MTFR1: variants seen among roughly 807,000 people sequenced by gnomAD.
The protein encoded by MTFR1 is mitochondrial fission regulator 1, also known as chondrocyte protein with a poly-proline region.
A neutral mutation model predicts 38.8 loss-of-function variants in MTFR1; 28 were observed. That is an observed-to-expected ratio of 0.72 (90% confidence interval 0.53 to 0.99). The LOEUF (loss-of-function observed/expected upper bound fraction) is 0.99. Among genes scored for constraint, MTFR1 ranks in the 50% least tolerant of loss-of-function variants. The pLI, the probability that MTFR1 is intolerant of heterozygous loss-of-function variation, is 0.00. For missense variants in MTFR1, 358 were observed against 395.5 expected (o/e 0.91, Z 0.81); for synonymous variants, 145 against 137.0 (o/e 1.06, Z -0.41).
chr8:65,662,523 G>A (rs1213223439), intron 1 of MTFR1, among the ~76,000 whole-genome samples: 6 of 147,600 alleles, frequency 4.1e-5, no homozygotes, highest in Non-Finnish European at 7.6e-5. Flanking sequence ...CCGCCACCCC[G>A]TCTGGGAAGT....
intron 1 of MTFR1, among the ~76,000 whole-genome samples, chr8:65,659,696 G>T (rs949813953): frequency 2.0e-5 from 3 of 152,124 alleles, no homozygotes; most frequent in African/African-American, 7.2e-5. Context: ...CTAGGGGCAA[G>T]GAGACATGTA....
intron 3 of MTFR1, chr8:65,727,121 T>G (rs765651825): frequency 8.2e-7 from 1 of 1,216,894 alleles, no homozygotes; most frequent in Non-Finnish European, 1.2e-6. Context: ...ATATGAAAGA[T>G]TTTCTAGAAT....
At chr8:65,763,302 C>T (rs756543011) in intron 3 of MTFR1, among the ~76,000 whole-genome samples, 18 of 152,158 alleles carry the variant, frequency 1.2e-4, no homozygotes, top group Middle Eastern at 3.4e-3. Flanking sequence ...CGGTGGCTCA[C>T]GCCTGTTAAT....
intron 1 of MTFR1, among the ~76,000 whole-genome samples, chr8:65,661,482 C>G (rs1277644590): frequency 6.6e-6 from 1 of 151,714 alleles, no homozygotes. Context: ...ACTAAAAATA[C>G]AAAAATTAGC....
At chr8:65,653,167 A>C (rs1585740960) in intron 1 of MTFR1, among the ~76,000 whole-genome samples, 1 of 152,226 alleles carries the variant, frequency 6.6e-6, no homozygotes, top group East Asian at 1.9e-4. Context: ...TGATTGCATC[A>C]GTATTATTGC....
chr8:65,742,212 C>G (rs892175874), intron 3 of MTFR1, among the ~76,000 whole-genome samples: 1 of 152,192 alleles, frequency 6.6e-6, no homozygotes, highest in African/African-American at 2.4e-5. Context: ...AAAGATAGAA[C>G]TGCCTATGAA....
chr8:65,652,349 C>T (rs1370179462), intron 1 of MTFR1, among the ~76,000 whole-genome samples: 2 of 152,136 alleles, frequency 1.3e-5, no homozygotes, highest in Admixed American at 1.3e-4. Flanking sequence ...CCTCTGCCTC[C>T]ACCTCCCAAA....
intron 3 of MTFR1, among the ~76,000 whole-genome samples, chr8:65,736,797 T>G (rs1273276351): frequency 1.3e-5 from 2 of 151,284 alleles, no homozygotes; most frequent in African/African-American, 4.8e-5. Context: ...TCTGTTTTTT[T>G]TTTTTTTTTT....
intron 1 of MTFR1, among the ~76,000 whole-genome samples, chr8:65,652,495 A>G (rs1385567770): frequency 6.6e-6 from 1 of 152,136 alleles, no homozygotes; most frequent in Non-Finnish European, 1.5e-5. Context: ...TGGCCTCCCA[A>G]GGTGCTGGGA....
At chr8:65,762,782 A>G (rs971859923) in intron 3 of MTFR1, among the ~76,000 whole-genome samples, 1 of 152,178 alleles carries the variant, frequency 6.6e-6, no homozygotes, top group African/African-American at 2.4e-5. Flanking sequence ...CTAATGTGCT[A>G]GAGAAATAAT....
intron 1 of MTFR1, among the ~76,000 whole-genome samples, chr8:65,646,097 G>C (rs1808959201): frequency 1.3e-5 from 2 of 152,170 alleles, no homozygotes; most frequent in African/African-American, 2.4e-5. Context: ...TAGTGCTCTT[G>C]CTTTTGAATA....
In MTFR1 at chr8:65,707,060, C is replaced by CAA; in HGVS notation, c.568_569insAA (p.Pro190GlnfsTer22). 1 of 880,908 alleles carries CAA rather than the reference C, an allele frequency of 1.1e-6. No individual in the cohort carries two copies. Among genetic ancestry groups the CAA allele is most frequent in the Non-Finnish European group, 1.8e-6 (1 of 542,138 alleles). 54.6% of individuals were successfully genotyped at this position (880,908 alleles called of 1,614,324 possible). On this transcript the variant is annotated frameshift_variant, in exon 6 of 8. Coordinates refer to ENST00000262146, the MANE Select transcript of MTFR1 (RefSeq NM_014637.4). LOFTEE classifies it high-confidence loss of function. ...TACCATACCACCACACCCTCCACCT[C>CAA]CCCCACCGCCCCTGCCTCCCCCTGC... is the stretch of plus-strand genomic sequence containing the variant.
At chr8:65,721,776 C>A (rs1354424077) in intron 3 of MTFR1, 1 of 149,160 alleles carries the variant, frequency 6.7e-6, no homozygotes, top group Non-Finnish European at 1.5e-5. Flanking sequence ...CACCTGTCTT[C>A]GATTCAATTC....
At chr8:65,719,712 A>C in intron 3 of MTFR1, 1 of 558,654 alleles carries the variant, frequency 1.8e-6, no homozygotes, top group Middle Eastern at 4.7e-4. Context: ...AATTTGAGTA[A>C]AAGTGAACTG....
chr8:65,699,171 C>A (rs1173335555), intron 4 of MTFR1, among the ~76,000 whole-genome samples: 1 of 152,170 alleles, frequency 6.6e-6, no homozygotes, highest in Non-Finnish European at 1.5e-5. Context: ...AAGGAATGAT[C>A]TCCTTGTTTT....
At position 65,704,813 on chromosome 8, in the gene MTFR1, C is replaced by T. The variant is rs761574104; in HGVS notation, c.401C>T (p.Ala134Val). ...SQEEPQLKTP[A>V]LANEEALQKI... is the part of the protein sequence containing the mutation. ...GAAGAGCCTCAGCTGAAGACCCCAG[C>T]GCTGGCAAATGAGGAAGCACTGCAG... The change falls in exon 5 of 8, where the codon GCG becomes GTG. Residue 134 changes from alanine to valine, a missense_variant. Transcript: ENST00000262146. 7 of 1,614,078 alleles carry T rather than the reference C, an allele frequency of 4.3e-6. No homozygotes were observed. The highest frequency in any genetic ancestry group is 1.1e-5 in the South Asian group (1 of 91,080).
chr8:65,712,369 G>A (rs144323446), downstream of MTFR1, among the ~76,000 whole-genome samples: 1 of 152,290 alleles, frequency 6.6e-6, no homozygotes, highest in East Asian at 1.9e-4. Flanking sequence ...AGACTGCTCT[G>A]TAACCCAGGA....
At chr8:65,767,905 C>T (rs996893875) in intron 3 of MTFR1, among the ~76,000 whole-genome samples, 1 of 152,216 alleles carries the variant, frequency 6.6e-6, no homozygotes, top group Non-Finnish European at 1.5e-5. Context: ...CTGGGAACCG[C>T]AACCTGAAGC....
chr8:65,662,282 T>C (rs1261417194), intron 1 of MTFR1, among the ~76,000 whole-genome samples: 1 of 152,044 alleles, frequency 6.6e-6, no homozygotes, highest in African/African-American at 2.4e-5. Flanking sequence ...ATTTTTTTGG[T>C]GGAGACGGGA....
Sources: allele counts gnomAD v4.1 joint callset (sites outside exome capture counted in the v4.1 genomes callset), GRCh38; gene constraint gnomAD v4.1.1; transcripts MANE v1.5; gene names NCBI Gene and HGNC (gene_info 2026-07-23, HGNC 2026-07-21).